Variants in ZNF93 observed in about 807,000 individuals in gnomAD.
ZNF93 encodes zinc finger protein 505.
Under a neutral mutation model 45.0 loss-of-function variants are expected in ZNF93, and 29 were observed. That is an observed-to-expected ratio of 0.64 (90% CI 0.48 to 0.88). The LOEUF (loss-of-function observed/expected upper bound fraction) is 0.88, where lower values mean the gene tolerates loss of function less well. Among genes scored for constraint, ZNF93 ranks in the 40% least tolerant of loss-of-function variants. The pLI, the probability that ZNF93 is intolerant of heterozygous loss-of-function variation, is 0.00. For missense variants in ZNF93, 578 were observed against 724.0 expected (o/e 0.80, Z 2.31); for synonymous variants, 223 against 244.6 (o/e 0.91, Z 0.82).
At chr19:19,923,638 CG>C (rs2063347994) in intron 3 of ZNF93, among the ~76,000 whole-genome samples, 1 of 152,166 alleles carries the variant, frequency 6.6e-6, no homozygotes, top group Admixed American at 6.5e-5. Context: ...CCCCCAGCCT[CG>C]CTGGTGCCTT....
intron 1 of ZNF93, among the ~76,000 whole-genome samples, chr19:19,906,870 C>T (rs1394741410): frequency 2.7e-5 from 4 of 150,830 alleles, no homozygotes; most frequent in South Asian, 2.1e-4. Flanking sequence ...TCTATTCTGT[C>T]GGTCTTGTGC....
chr19:19,912,483 AAAAG>A (rs1264407229), intron 1 of ZNF93, among the ~76,000 whole-genome samples: 2 of 149,666 alleles, frequency 1.3e-5, no homozygotes, highest in South Asian at 4.2e-4. Context: ...AATCGGGAAA[AAAAG>A]TATGTTTTGT....
Position 19,934,035 on chromosome 19 carries a change from G to A in ZNF93, c.1080G>A (p.Glu360=), listed in dbSNP as rs1568514646. 3.7e-6 allele frequency: 6 copies of A among 1,613,304 alleles called. No homozygotes were observed. The highest frequency in any genetic ancestry group is 3.4e-6 in the Non-Finnish European group (4 of 1,179,670). Residue 360 remains glutamate (E), a synonymous_variant, in exon 4 of 4, where the codon GAG becomes GAA. Coordinates refer to ENST00000343769, the MANE Select transcript of ZNF93 (RefSeq NM_031218.4). ...CATCCTCAACCCTTAGTAGACATGA[G>A]TTCATTCATATGGGAAAGAAACATT... is the stretch of plus-strand genomic sequence containing the variant. ...FIASSTLSRH[E]FIHMGKKHYK...
intron 3 of ZNF93, among the ~76,000 whole-genome samples, chr19:19,921,024 TTG>T (rs2063341295): frequency 6.6e-6 from 1 of 152,188 alleles, no homozygotes; most frequent in Non-Finnish European, 1.5e-5. Context: ...GTTCTTTTAA[TTG>T]TGATGTTAGG....
chr19:19,913,013 G>T (rs892611674), intron 1 of ZNF93, among the ~76,000 whole-genome samples: 10 of 152,168 alleles, frequency 6.6e-5, no homozygotes, highest in Non-Finnish European at 1.3e-4. Context: ...AATGGAATGG[G>T]CTGTCCTTAT....
intron 1 of ZNF93, 76 bp from the exon 2 acceptor site, chr19:19,915,204 C>T (rs1447310639): frequency 1.2e-6 from 2 of 1,608,468 alleles, no homozygotes; most frequent in Non-Finnish European, 1.7e-6. Context: ...TCTCTTTACT[C>T]TCTCATTTCA....
chr19:19,902,446 C>T (rs567939465), intron 1 of ZNF93, among the ~76,000 whole-genome samples: 50 of 151,888 alleles, frequency 3.3e-4, no homozygotes, highest in Non-Finnish European at 5.4e-4. Context: ...TTAGTAGAGA[C>T]GGGTTTTCTC....
intron 3 of ZNF93, among the ~76,000 whole-genome samples, chr19:19,918,019 T>TATAC (rs1219460827): frequency 6.6e-6 from 1 of 152,032 alleles, no homozygotes; most frequent in East Asian, 1.9e-4. Flanking sequence ...GTTACACATG[T>TATAC]ATACATGTGC....
chr19:19,904,891 T>C (rs1250837608), intron 1 of ZNF93, among the ~76,000 whole-genome samples: 1 of 152,084 alleles, frequency 6.6e-6, no homozygotes, highest in Non-Finnish European at 1.5e-5. Context: ...ACACACACAC[T>C]AGACATTGAC....
At position 19,934,400 on chromosome 19, in the gene ZNF93, A is replaced by G; in HGVS notation, c.1445A>G (p.Lys482Arg). ...KKIHTGEKPY[K>R]CEECGKAFNQ... ...ATTCATACTGGAGAGAAACCCTACA[A>G]ATGTGAAGAATGTGGCAAAGCTTTT... Residue 482 changes from lysine to arginine, a missense_variant, in exon 4 of 4, where the codon AAA becomes AGA. Coordinates refer to ENST00000343769, the MANE Select transcript of ZNF93 (RefSeq NM_031218.4). 6 of 1,613,466 alleles carry G rather than the reference A, an allele frequency of 3.7e-6. No homozygotes were observed. The highest frequency in any genetic ancestry group is 5.1e-6 in the Non-Finnish European group (6 of 1,179,896).
At chr19:19,930,164 C>T (rs1466366930) in intron 3 of ZNF93, among the ~76,000 whole-genome samples, 1 of 152,022 alleles carries the variant, frequency 6.6e-6, no homozygotes, top group Non-Finnish European at 1.5e-5. Context: ...CACGTGTCCA[C>T]TGGACAGGGG....
chr19:19,929,630 C>T (rs927247518), intron 3 of ZNF93, among the ~76,000 whole-genome samples: 5 of 152,076 alleles, frequency 3.3e-5, no homozygotes, highest in African/African-American at 1.2e-4. Context: ...GGTTTTTCTC[C>T]CTGTGTGCAG....
intron 3 of ZNF93, among the ~76,000 whole-genome samples, chr19:19,919,106 A>G (rs2063334385): frequency 1.3e-5 from 2 of 152,260 alleles, no homozygotes; most frequent in South Asian, 2.1e-4. Context: ...TAAGTCTTTA[A>G]TCCATCTTGA....
At chr19:19,912,286 A>C (rs1406204359) in intron 1 of ZNF93, among the ~76,000 whole-genome samples, 1 of 152,180 alleles carries the variant, frequency 6.6e-6, no homozygotes, top group Non-Finnish European at 1.5e-5. Context: ...ACAGAATTCT[A>C]CATAGGGTTC....
chr19:19,907,138 T>C (rs1017872003), intron 1 of ZNF93, among the ~76,000 whole-genome samples: 4 of 152,118 alleles, frequency 2.6e-5, no homozygotes, highest in Non-Finnish European at 4.4e-5. Context: ...TGACCCCAGA[T>C]TGTCTTTATC....
intron 3 of ZNF93, among the ~76,000 whole-genome samples, chr19:19,927,959 G>A (rs2122191166): frequency 6.6e-6 from 1 of 152,220 alleles, no homozygotes; most frequent in African/African-American, 2.4e-5. Context: ...TGTTGGCCAG[G>A]CTAGTCTCGA....
chr19:19,926,920 T>A (rs2063357918), intron 3 of ZNF93, among the ~76,000 whole-genome samples: 1 of 152,188 alleles, frequency 6.6e-6, no homozygotes, highest in African/African-American at 2.4e-5. Context: ...ATGGAGATAG[T>A]CTTATTTTCA....
chr19:19,904,371 A>AT (rs2063286231), intron 1 of ZNF93, among the ~76,000 whole-genome samples: 1 of 152,112 alleles, frequency 6.6e-6, no homozygotes, highest in African/African-American at 2.4e-5. Context: ...TGCATCTTAT[A>AT]TATGAAACCA....
At position 19,903,286 on chromosome 19, in the gene ZNF93, A is replaced by G. The variant is rs991616420; in HGVS notation, c.3+2195A>G. 5.3e-5 allele frequency among the ~76,000 whole-genome samples: 8 copies of G among 152,112 alleles called. 1 individual carries two copies. Among genetic ancestry groups the G allele is most frequent in the African/African-American group, 1.4e-4 (6 of 41,432 alleles). On this transcript the variant is annotated intron_variant, in intron 1 of 3. Transcript: ENST00000343769. The stretch of plus-strand genomic sequence containing the variant: ...GGGGAATGGCAAATGGAGGGTGAAA[A>G]AGTCAGATTTTACATCAGAGAATGT...
Sources: gnomAD v4.1 joint callset for allele counts (sites outside exome capture counted in the v4.1 genomes callset) on GRCh38, gnomAD v4.1.1 for gene constraint, MANE v1.5 for transcripts, NCBI Gene and HGNC (gene_info 2026-07-23, HGNC 2026-07-21) for gene names.